HMGCLL1: variants seen among roughly 807,000 people sequenced by gnomAD.
HMGCLL1 encodes 3-hydroxymethyl-3-methylglutaryl-CoA lyase, cytoplasmic.
In HMGCLL1, 36 loss-of-function variants were observed where a neutral mutation model predicts 39.1. The observed-to-expected ratio is 0.92, with a 90% CI of 0.71 to 1.22. The LOEUF is 1.22. Among genes scored for constraint, HMGCLL1 ranks in the 50% most tolerant of loss-of-function variants. The probability of loss-of-function intolerance (pLI) is 0.00; values close to 1 mark genes in which losing one functional copy is unlikely to be tolerated. For missense variants in HMGCLL1, 451 were observed against 416.5 expected, an observed-to-expected ratio of 1.08 and a Z score of -0.72; for synonymous variants, 149 against 144.0, an observed-to-expected ratio of 1.03 and a Z score of -0.25.
chr6:55,454,303 G>T (rs1039238766), intron 7 of HMGCLL1, among the ~76,000 whole-genome samples: 10 of 152,194 alleles, frequency 6.6e-5, no homozygotes, highest in African/African-American at 2.2e-4. Context: ...ATTTTATATG[G>T]GTTTTGGGGA....
intron 7 of HMGCLL1, among the ~76,000 whole-genome samples, chr6:55,489,915 A>G (rs928957669): frequency 2.0e-5 from 3 of 152,136 alleles, no homozygotes; most frequent in Non-Finnish European, 4.4e-5. Context: ...AGGAAATGCA[A>G]TTATCCCAAT....
In HMGCLL1 at chr6:55,551,638, T is replaced by C. The variant is rs1044201056; in HGVS notation, c.109-9498A>G. On this transcript the variant is annotated intron_variant, in intron 1 of 8. Coordinates refer to ENST00000274901, the MANE Select transcript of HMGCLL1 (RefSeq NM_001042406.2). ...AAGAAAGTAAAAGATACAGGGGTGATGGCCTCATCAGCAACCCCCTCTAAT... is the reference window on the plus strand; with the variant it reads ...AAGAAAGTAAAAGATACAGGGGTGACGGCCTCATCAGCAACCCCCTCTAAT... Among the ~76,000 whole-genome samples, 12 of 151,894 alleles carry C rather than the reference T, an allele frequency of 7.9e-5. 1 individual carries two copies. Among genetic ancestry groups the C allele is most frequent in the African/African-American group, 2.7e-4 (11 of 41,238 alleles).
chr6:55,562,369 A>C (rs1770991594), intron 1 of HMGCLL1, among the ~76,000 whole-genome samples: 1 of 152,136 alleles, frequency 6.6e-6, no homozygotes, highest in Admixed American at 6.6e-5. Flanking sequence ...TTTTAGAAGT[A>C]CCAATATCAG....
chr6:55,510,635 C>A, intron 5 of HMGCLL1, among the ~76,000 whole-genome samples: 1 of 97,898 alleles, frequency 1.0e-5, no homozygotes, highest in African/African-American at 4.2e-5. Context: ...ACTCTGGGGA[C>A]TGTTGTGGGG....
rs534530612 is a variant in HMGCLL1, at chr6:55,472,141, G to A, written c.795+23278C>T. 3.7e-4 allele frequency among the ~76,000 whole-genome samples: 56 copies of A among 151,708 alleles called. 1 individual carries two copies. Among genetic ancestry groups the A allele is most frequent in the African/African-American group, 1.3e-3 (55 of 41,458 alleles). On this transcript the variant is annotated intron_variant, in intron 7 of 8. Coordinates refer to ENST00000274901, the MANE Select transcript of HMGCLL1 (RefSeq NM_001042406.2). Reference sequence around the variant, plus strand: ...TGAACATATCTTTTGGTGAATACATGCATACATTTCTATTGGTTATATACC... The same window carrying A: ...TGAACATATCTTTTGGTGAATACATACATACATTTCTATTGGTTATATACC...
At chr6:55,624,378 T>C in the HMGCLL1 span, among the ~76,000 whole-genome samples, 10 of 152,116 alleles carry the variant, frequency 6.6e-5, no homozygotes, top group African/African-American at 2.2e-4. Context: ...TCCTGGTACA[T>C]TGCATGCAGC....
At chr6:55,566,505 A>C in intron 1 of HMGCLL1, 1 of 407,924 alleles carries the variant, frequency 2.5e-6, no homozygotes, top group Non-Finnish European at 5.0e-6. Context: ...GGCACTTACT[A>C]TTGGTGGAAA....
rs567602931 is a variant in HMGCLL1 at position 55,493,110 on chromosome 6, A to G, written c.795+2309T>C. ...TGTATATATTAATAATGTATATTTT[A>G]TAAGAATATTCTTCTGGCACCTGCA... On this transcript the variant is annotated intron_variant, in intron 7 of 8. Coordinates refer to ENST00000274901, the MANE Select transcript of HMGCLL1 (RefSeq NM_001042406.2). Among the ~76,000 whole-genome samples, 53 of 151,536 alleles carry G rather than the reference A, an allele frequency of 3.5e-4. No homozygotes were observed. The South Asian group carries it at 0.01, about 29-fold the overall frequency.
the HMGCLL1 span, among the ~76,000 whole-genome samples, chr6:55,623,983 C>T: frequency 6.6e-6 from 1 of 152,110 alleles, no homozygotes; most frequent in African/African-American, 2.4e-5. Context: ...TTAGCCCCTA[C>T]TTTACCTGGA....
chr6:55,513,251 C>G (rs1767556107), intron 5 of HMGCLL1: 1 of 152,014 alleles, frequency 6.6e-6, no homozygotes, highest in South Asian at 2.1e-4. Flanking sequence ...TTCTAAACTC[C>G]TGAGAGAGAA....
At chr6:55,541,950 A>G (rs1202095466) in intron 2 of HMGCLL1, 110 bp downstream of exon 2, 2 of 938,924 alleles carry the variant, frequency 2.1e-6, no homozygotes, top group African/African-American at 1.7e-5. Flanking sequence ...AAATTCAAGT[A>G]GCAATTGAGA....
At chr6:55,568,992 G>GA (rs1417620278) in intron 1 of HMGCLL1, among the ~76,000 whole-genome samples, 3 of 151,930 alleles carry the variant, frequency 2.0e-5, no homozygotes, top group Non-Finnish European at 4.4e-5. Context: ...CAGAGCTAAT[G>GA]AAAAAAACAA....
At chr6:55,668,784 G>A in the HMGCLL1 span, among the ~76,000 whole-genome samples, 1 of 151,728 alleles carries the variant, frequency 6.6e-6, no homozygotes, top group African/African-American at 2.4e-5. Flanking sequence ...CAGCCAAGTG[G>A]TTATTTTTCT....
At chr6:55,669,092 G>C in the HMGCLL1 span, among the ~76,000 whole-genome samples, 2 of 143,252 alleles carry the variant, frequency 1.4e-5, no homozygotes, top group Non-Finnish European at 3.0e-5. Flanking sequence ...AAAGTTCCAA[G>C]AAAACAGTAG....
intron 7 of HMGCLL1, among the ~76,000 whole-genome samples, chr6:55,473,309 C>T (rs1160576085): frequency 1.3e-5 from 2 of 151,350 alleles, no homozygotes; most frequent in African/African-American, 2.4e-5. Flanking sequence ...TCATTACATT[C>T]TTTTTTCTCC....
the HMGCLL1 span, among the ~76,000 whole-genome samples, chr6:55,585,751 A>C: frequency 1.3e-5 from 2 of 152,098 alleles, no homozygotes; most frequent in Non-Finnish European, 2.9e-5. Flanking sequence ...TGTAAAAACC[A>C]AATTTAGGAC....
In HMGCLL1 at chr6:55,463,366, A is replaced by G. The variant is rs1023675408; in HGVS notation, c.796-23807T>C. ...AGCTGAGAAGAGAGATAAATGATAC[A>G]TGAAAAAGTGGCCCTTACAATGTGA... On this transcript the variant is annotated intron_variant, in intron 7 of 8. Transcript: ENST00000274901. Among the ~76,000 whole-genome samples, 3 of 152,046 alleles carry G rather than the reference A, an allele frequency of 2.0e-5. 1 individual carries two copies. The South Asian group carries it at 6.2e-4, about 32-fold the overall frequency.
At chr6:55,600,707 T>C in the HMGCLL1 span, among the ~76,000 whole-genome samples, 1 of 152,102 alleles carries the variant, frequency 6.6e-6, no homozygotes, top group Non-Finnish European at 1.5e-5. Context: ...CTTCAACAAA[T>C]CAAATTTGAA....
chr6:55,511,093 A>G (rs1327411466), intron 5 of HMGCLL1, among the ~76,000 whole-genome samples: 2 of 152,002 alleles, frequency 1.3e-5, no homozygotes, highest in Non-Finnish European at 2.9e-5. Flanking sequence ...TCTTTCAATA[A>G]ATACCATTGA....
Sources: allele counts gnomAD v4.1 joint callset (sites outside exome capture counted in the v4.1 genomes callset), GRCh38; gene constraint gnomAD v4.1.1; transcripts MANE v1.5; gene names NCBI Gene and HGNC (gene_info 2026-07-23, HGNC 2026-07-21).